Variants in PPP2R2B observed in about 807,000 individuals in gnomAD.
PPP2R2B encodes the protein protein phosphatase 2 regulatory subunit Bbeta, also known as serine/threonine-protein phosphatase 2A 55 kDa regulatory subunit B beta isoform.
Under a neutral mutation model 46.0 loss-of-function variants are expected in PPP2R2B, and 5 were observed. The ratio of observed to expected loss-of-function variants is 0.11; its 90% confidence interval spans 0.06 to 0.23. The LOEUF is 0.23. Ranked by LOEUF, PPP2R2B falls within the 10% of genes least tolerant of loss-of-function variation. The probability of loss-of-function intolerance (pLI) is 1.00; values close to 1 mark genes in which losing one functional copy is unlikely to be tolerated. For synonymous variants in PPP2R2B, 215 were observed against 206.7 expected, an observed-to-expected ratio of 1.04 and a Z score of -0.34; for missense variants, 367 against 575.0, an observed-to-expected ratio of 0.64 and a Z score of 3.70.
chr5:146,956,302 A>T (rs1181521783), intron 1 of PPP2R2B, among the ~76,000 whole-genome samples: 1 of 152,084 alleles, frequency 6.6e-6, no homozygotes, highest in Non-Finnish European at 1.5e-5. Context: ...TAATCTCATG[A>T]ATGGAAAAAA....
chr5:146,982,506 T>C (rs1753223190), intron 1 of PPP2R2B, among the ~76,000 whole-genome samples: 1 of 152,220 alleles, frequency 6.6e-6, no homozygotes, highest in African/African-American at 2.4e-5. Flanking sequence ...ATGTGCATTC[T>C]GCTGTTGTTG....
rs1439345425 is a variant in PPP2R2B at position 146,583,517 on chromosome 5, A to AGGCAGGCT, written c.*6422_*6429dup. Reference sequence around the variant, plus strand: ...GTGGAGCTCAGATTTTAACCCAGGCAGGCAGGCTGGCAGGCTCGGTATCCT... The same window carrying AGGCAGGCT: ...GTGGAGCTCAGATTTTAACCCAGGCAGGCAGGCTGGCAGGCTGGCAGGCTCGGTATCCT... On this transcript the variant is annotated 3_prime_UTR_variant, in exon 10 of 10. Coordinates refer to ENST00000394411, the MANE Select transcript of PPP2R2B (RefSeq NM_181675.4). 5 of 152,132 alleles carry AGGCAGGCT rather than the reference A, an allele frequency of 3.3e-5. No individual in the cohort carries two copies. Among genetic ancestry groups the AGGCAGGCT allele is most frequent in the Non-Finnish European group, 7.4e-5 (5 of 68,022 alleles). The allele number at this position is 152,132 out of a possible 1,614,324, so 9.4% of individuals were successfully genotyped here.
intron 1 of PPP2R2B, among the ~76,000 whole-genome samples, chr5:146,961,040 C>G (rs995589484): frequency 6.6e-6 from 1 of 152,072 alleles, no homozygotes; most frequent in Non-Finnish European, 1.5e-5. Context: ...CTTATGAAAA[C>G]AATATTATTG....
chr5:146,812,811 A>ATATATATATG (rs1757692281), intron 2 of PPP2R2B, among the ~76,000 whole-genome samples: 1 of 67,392 alleles, frequency 1.5e-5, no homozygotes, highest in African/African-American at 6.0e-5. Flanking sequence ...ATATATATAT[A>ATATATATATG]TATATATATA....
At chr5:146,669,191 A>C (rs569178157) in intron 5 of PPP2R2B, among the ~76,000 whole-genome samples, 1 of 152,218 alleles carries the variant, frequency 6.6e-6, no homozygotes, top group Non-Finnish European at 1.5e-5. Context: ...CTAGGAATAC[A>C]ATTATGTACT....
At chr5:146,706,729 G>A in intron 2 of PPP2R2B, 4 of 818,814 alleles carry the variant, frequency 4.9e-6, no homozygotes, top group South Asian at 4.0e-5. Context: ...GTAAGACGCA[G>A]GTCTTCCCAG....
chr5:147,004,934 G>A (rs563395504), intron 1 of PPP2R2B, among the ~76,000 whole-genome samples: 9 of 152,236 alleles, frequency 5.9e-5, no homozygotes, highest in South Asian at 2.1e-4. Flanking sequence ...GGTGGTGGCC[G>A]TCTTAGTGTC....
intron 6 of PPP2R2B, among the ~76,000 whole-genome samples, chr5:146,649,034 G>T (rs1530418): frequency 6.6e-6 from 1 of 152,150 alleles, no homozygotes; most frequent in Non-Finnish European, 1.5e-5. Context: ...TGAAGGGTTC[G>T]TACTGTATAA....
Position 146,898,764 on chromosome 5 carries a change from C to A in PPP2R2B, c.79+156901G>T, listed in dbSNP as rs566070217. On this transcript the variant is annotated intron_variant, in intron 1 of 8. Coordinates refer to the PPP2R2B transcript ENST00000336640. ...AATATCCAGAATCTACAATGAACTC[C>A]AACAAATTTACAAGAAAAAAACAAA... Among the ~76,000 whole-genome samples, 69 of 106,844 alleles carry A rather than the reference C, an allele frequency of 6.5e-4. 1 individual carries two copies. The highest frequency in any genetic ancestry group is 1.1e-3 in the African/African-American group (21 of 19,352). The allele number at this position is 106,844 out of a possible 152,430, so 70.1% of individuals were successfully genotyped here. A position where few individuals can be genotyped will look rare whatever the true frequency, so the allele number is the denominator to read the frequency against.
chr5:147,011,304 C>A (rs1754720824), intron 1 of PPP2R2B, among the ~76,000 whole-genome samples: 2 of 152,042 alleles, frequency 1.3e-5, no homozygotes, highest in Non-Finnish European at 2.9e-5. Context: ...TAAATGCCCC[C>A]CCCATCCCTA....
chr5:146,697,415 T>C (rs1779238452), intron 4 of PPP2R2B, among the ~76,000 whole-genome samples: 1 of 152,224 alleles, frequency 6.6e-6, no homozygotes, highest in South Asian at 2.1e-4. Context: ...TTATGTCAAC[T>C]CCTCCTCATC....
chr5:146,915,308 G>A lies in PPP2R2B; in HGVS notation c.79+140357C>T, dbSNP rs72825252. On this transcript the variant is annotated intron_variant, in intron 1 of 8. Coordinates refer to the PPP2R2B transcript ENST00000336640. ...CCTCCAATGTCTGCCACTTGGATTC[G>A]GAGAAAAATTCAAATTGCTCACCCT... is the stretch of plus-strand genomic sequence containing the variant. Among the ~76,000 whole-genome samples the A allele has an allele frequency of 5.8e-3, 880 of 152,146 alleles. 8 individuals are homozygous for A. The highest frequency in any genetic ancestry group is 0.034 in the South Asian group (163 of 4,808).
intron 2 of PPP2R2B, among the ~76,000 whole-genome samples, chr5:146,770,566 G>C (rs1331577092): frequency 6.6e-6 from 1 of 152,198 alleles, no homozygotes; most frequent in African/African-American, 2.4e-5. Flanking sequence ...ATGATAACAG[G>C]TAATTTAACG....
chr5:146,896,093 T>G (rs376183139), intron 1 of PPP2R2B, among the ~76,000 whole-genome samples: 21 of 152,272 alleles, frequency 1.4e-4, no homozygotes, highest in Admixed American at 6.5e-4. Context: ...AAAGAAAGGC[T>G]ATGGTCAGGC....
chr5:146,865,128 A>C (rs1338864587), intron 2 of PPP2R2B, among the ~76,000 whole-genome samples: 4 of 152,216 alleles, frequency 2.6e-5, no homozygotes, highest in Non-Finnish European at 5.9e-5. Context: ...AAATAATCTA[A>C]ACTTTCATTA....
intron 5 of PPP2R2B, among the ~76,000 whole-genome samples, chr5:146,690,421 C>G (rs1435151145): frequency 6.6e-6 from 1 of 152,234 alleles, no homozygotes; most frequent in East Asian, 1.9e-4. Flanking sequence ...CTCTCCAACA[C>G]TTTCTCAATG....
chr5:147,054,632 C>T (rs1384786445), intron 1 of PPP2R2B: 1 of 456,188 alleles, frequency 2.2e-6, no homozygotes, highest in Non-Finnish European at 4.4e-6. Context: ...TCATTATAAA[C>T]ACACAGCCCC....
chr5:146,899,703 G>A (rs1024950452), intron 1 of PPP2R2B, among the ~76,000 whole-genome samples: 6 of 152,000 alleles, frequency 3.9e-5, no homozygotes, highest in African/African-American at 1.5e-4. Flanking sequence ...ATTCTATGAA[G>A]ACTAATATCC....
At chr5:147,031,609 T>C (rs1332420520) in intron 1 of PPP2R2B, among the ~76,000 whole-genome samples, 1 of 152,184 alleles carries the variant, frequency 6.6e-6, no homozygotes, top group Non-Finnish European at 1.5e-5. Flanking sequence ...TACCTCTCTG[T>C]CATACTTCTT....
Sources: gnomAD v4.1 joint callset for allele counts (sites outside exome capture counted in the v4.1 genomes callset) on GRCh38, gnomAD v4.1.1 for gene constraint, MANE v1.5 for transcripts, NCBI Gene and HGNC (gene_info 2026-07-23, HGNC 2026-07-21) for gene names.